The following GUCY1A2 variants were observed in gnomAD, a reference collection of about 807,000 sequenced individuals.
GUCY1A2 encodes the protein guanylate cyclase soluble subunit alpha-2.
A neutral mutation model predicts 63.5 loss-of-function variants in GUCY1A2; 27 were observed. The observed-to-expected ratio is 0.43, with a 90% CI of 0.31 to 0.59. GUCY1A2 has a LOEUF of 0.59. Among genes scored for constraint, GUCY1A2 ranks in the 20% least tolerant of loss-of-function variants. The pLI, the probability that GUCY1A2 is intolerant of heterozygous loss-of-function variation, is 0.11. For missense variants in GUCY1A2, 768 were observed against 913.3 expected (o/e 0.84, Z 2.05); for synonymous variants, 364 against 343.5 (o/e 1.06, Z -0.66).
intron 4 of GUCY1A2, among the ~76,000 whole-genome samples, chr11:106,882,553 G>A (rs914932808): frequency 3.9e-5 from 6 of 151,980 alleles, no homozygotes; most frequent in Non-Finnish European, 7.4e-5. Flanking sequence ...ACATGTATTA[G>A]AAGATTTAAA....
At chr11:106,766,935 T>C (rs1361622246) in intron 6 of GUCY1A2, among the ~76,000 whole-genome samples, 2 of 152,038 alleles carry the variant, frequency 1.3e-5, no homozygotes, top group South Asian at 2.1e-4. Flanking sequence ...GGAAAAAATA[T>C]TGGCAGATGG....
chr11:106,723,824 CA>C (rs553635197), intron 6 of GUCY1A2, among the ~76,000 whole-genome samples: 44 of 142,584 alleles, frequency 3.1e-4, no homozygotes, highest in African/African-American at 3.6e-4. Context: ...AACTCCATCT[CA>C]AAAAAAAAAA....
At chr11:106,980,747 T>A (rs1861324000) in intron 2 of GUCY1A2, among the ~76,000 whole-genome samples, 1 of 151,606 alleles carries the variant, frequency 6.6e-6, no homozygotes, top group Non-Finnish European at 1.5e-5. Context: ...AATAAAAAGG[T>A]TTCATGTTTG....
At chr11:106,876,196 T>C (rs773268458) in intron 4 of GUCY1A2, among the ~76,000 whole-genome samples, 2 of 152,016 alleles carry the variant, frequency 1.3e-5, no homozygotes, top group Non-Finnish European at 2.9e-5. Context: ...AAAGTTACTT[T>C]CACAAGAACA....
At chr11:106,915,264 A>G (rs796984574) in intron 4 of GUCY1A2, among the ~76,000 whole-genome samples, 3 of 152,124 alleles carry the variant, frequency 2.0e-5, no homozygotes, top group African/African-American at 7.2e-5. Context: ...AATAGTAACA[A>G]TGTATTGCCT....
chr11:106,985,519 A>G lies in GUCY1A2; in HGVS notation c.365+551T>C, dbSNP rs564219008. Among the ~76,000 whole-genome samples, 3 of 152,360 alleles carry G rather than the reference A, an allele frequency of 2.0e-5. No homozygotes were observed. The South Asian group carries it at 6.2e-4, about 32-fold the overall frequency. On this transcript the variant is annotated intron_variant, in intron 2 of 7. Transcript: ENST00000526355. ...TAAAAAAGAGATAAAGTTACTTAGT[A>G]AAAGATCTATTTGCTAGTGAGGCCT...
chr11:106,912,216 C>G (rs1257589880), intron 4 of GUCY1A2, among the ~76,000 whole-genome samples: 1 of 151,562 alleles, frequency 6.6e-6, no homozygotes, highest in African/African-American at 2.4e-5. Flanking sequence ...TTTTTTTAAC[C>G]AGTTCTCAAT....
At chr11:106,952,654 T>C (rs1245261966) in intron 3 of GUCY1A2, among the ~76,000 whole-genome samples, 3 of 60,608 alleles carry the variant, frequency 4.9e-5, no homozygotes. Flanking sequence ...ATGATGAGGG[T>C]TTTTTTTTTC....
chr11:106,688,461 C>CA (rs966040468), intron 7 of GUCY1A2, among the ~76,000 whole-genome samples: 55 of 152,260 alleles, frequency 3.6e-4, no homozygotes, highest in African/African-American at 1.3e-3. Context: ...ATACTTGTAT[C>CA]TAAAAGTGTG....
intron 6 of GUCY1A2, among the ~76,000 whole-genome samples, chr11:106,748,411 C>T (rs1159037437): frequency 2.6e-5 from 4 of 152,100 alleles, no homozygotes; most frequent in Non-Finnish European, 4.4e-5. Context: ...GCTGTATATA[C>T]GAATTCTCCT....
At chr11:106,690,162 A>G (rs1862598000) in intron 7 of GUCY1A2, among the ~76,000 whole-genome samples, 1 of 152,196 alleles carries the variant, frequency 6.6e-6, no homozygotes, top group African/African-American at 2.4e-5. Flanking sequence ...CAGCAATCCC[A>G]TTACTGGGAA....
At chr11:106,957,623 T>G (rs1403824615) in intron 3 of GUCY1A2, among the ~76,000 whole-genome samples, 1 of 151,936 alleles carries the variant, frequency 6.6e-6, no homozygotes, top group Non-Finnish European at 1.5e-5. Context: ...TTCTTGTCAA[T>G]TTTGGCGAGA....
At chr11:106,810,668 T>C (rs1858751111) in intron 4 of GUCY1A2, among the ~76,000 whole-genome samples, 190 bp from the exon 5 acceptor site, 1 of 152,140 alleles carries the variant, frequency 6.6e-6, no homozygotes, top group Admixed American at 6.6e-5. Context: ...AAACAATTGT[T>C]TTATATCTCA....
chr11:106,708,661 C>T lies in GUCY1A2; in HGVS notation c.1842G>A (p.Arg614=). ...GCACGGAGCCTGAGTGAATTCCTAT[C>T]CTCATCTAAAGAAGAATGAAAGAGG... ...LTPDGRPIQM[R]IGIHSGSVLA... is the part of the protein sequence containing the mutation. The change falls in exon 7 of 8, where the codon AGG becomes AGA. Residue 614 remains arginine, a synonymous_variant. Transcript: ENST00000526355. 2 of 1,591,008 alleles carry T rather than the reference C, an allele frequency of 1.3e-6. No individual in the cohort carries two copies. Among genetic ancestry groups the T allele is most frequent in the Non-Finnish European group, 1.7e-6 (2 of 1,166,294 alleles).
chr11:106,853,328 T>A (rs554611194), intron 4 of GUCY1A2, among the ~76,000 whole-genome samples: 3 of 152,220 alleles, frequency 2.0e-5, no homozygotes, highest in Admixed American at 6.5e-5. Flanking sequence ...CTCCTTTTAT[T>A]TTCTTTTGGC....
intron 6 of GUCY1A2, among the ~76,000 whole-genome samples, chr11:106,745,634 G>A (rs1863774706): frequency 6.6e-6 from 1 of 152,156 alleles, no homozygotes; most frequent in Non-Finnish European, 1.5e-5. Context: ...CAACCCATCT[G>A]TATACAATAG....
At chr11:106,968,838 T>C (rs1488111811) in intron 3 of GUCY1A2, among the ~76,000 whole-genome samples, 3 of 152,280 alleles carry the variant, frequency 2.0e-5, no homozygotes, top group South Asian at 2.1e-4. Context: ...GATCAGACTT[T>C]GTGGAAATAT....
At chr11:106,788,690 T>A (rs1864607354) in intron 5 of GUCY1A2, among the ~76,000 whole-genome samples, 1 of 152,224 alleles carries the variant, frequency 6.6e-6, no homozygotes, top group Non-Finnish European at 1.5e-5. Context: ...TCTTGGCACC[T>A]TTGTCAAAAT....
intron 4 of GUCY1A2, among the ~76,000 whole-genome samples, chr11:106,862,071 A>G (rs544171207): frequency 3.9e-5 from 6 of 152,000 alleles, no homozygotes; most frequent in Non-Finnish European, 7.4e-5. Context: ...AACACAGATG[A>G]CCTTAAGTGC....
Sources: allele counts gnomAD v4.1 joint callset (sites outside exome capture counted in the v4.1 genomes callset), GRCh38; gene constraint gnomAD v4.1.1; transcripts MANE v1.5; gene names NCBI Gene and HGNC (gene_info 2026-07-23, HGNC 2026-07-21).